The following PSD variants were observed in gnomAD, a reference collection of about 807,000 sequenced individuals.
The protein encoded by PSD is PH and SEC7 domain-containing protein 1.
A neutral mutation model predicts 91.6 loss-of-function variants in PSD; 32 were observed. The ratio of observed to expected loss-of-function variants is 0.35; its 90% CI spans 0.26 to 0.47. The LOEUF is 0.47. Ranked by LOEUF, PSD falls within the 20% of genes least tolerant of loss-of-function variation. PSD has a pLI of 1.00. For synonymous variants in PSD, 532 were observed against 569.3 expected (o/e 0.93, Z 0.93); for missense variants, 1,099 against 1,373.9 (o/e 0.80, Z 3.16).
In PSD at chr10:102,404,144, C is replaced by A. The variant is rs985897152; in HGVS notation, c.2701-159G>T. On this transcript the variant is annotated intron_variant, in intron 15 of 16. Transcript: ENST00000020673. The surrounding 1 kb of genome is among the most constrained non-coding windows in gnomAD (Gnocchi z 5.7). ...CGGGCGGATCACGAGGTCAGGAGAT[C>A]GAGACCATCCTGGCTAACACGGTGA... is the stretch of plus-strand genomic sequence containing the variant. 2.0e-5 allele frequency among the ~76,000 whole-genome samples: 3 copies of A among 152,110 alleles called. No homozygotes were observed. Among genetic ancestry groups the A allele is most frequent in the Admixed American group, 1.3e-4 (2 of 15,276 alleles).
chr10:102,413,665 G>A (rs2135458433), intron 5 of PSD, 104 bp downstream of exon 5: 1 of 1,227,776 alleles, frequency 8.1e-7, no homozygotes, highest in Non-Finnish European at 1.1e-6. Context: ...CTACTCAGGG[G>A]TCAGGAATAT....
At position 102,416,440 on chromosome 10, in the gene PSD, G is replaced by T; in HGVS notation, c.599C>A (p.Pro200His). Residue 200 changes from proline (P) to histidine (H), a missense_variant, in exon 2 of 17, where the codon CCT becomes CAT. Pro to His is a moderately conservative substitution (Grantham distance 77). Transcript: ENST00000020673. This position sits in a 1 kb window ranked among gnomAD's most constrained non-coding sequence, Gnocchi z 6.0. Reference protein sequence around the residue: ...SSLPNGLGGPPERLATLFGGP... With the variant: ...SSLPNGLGGPHERLATLFGGP... ...TCCGAAGAGTGTGGCCAGGCGCTCA[G>T]GGGGGCCCCCCAGCCCATTGGGGAG... is the stretch of plus-strand genomic sequence containing the variant. 6 of 1,611,342 alleles carry T rather than the reference G, an allele frequency of 3.7e-6. No individual in the cohort carries two copies. The highest frequency in any genetic ancestry group is 4.2e-6 in the Non-Finnish European group (5 of 1,178,848).
rs769484952 is a variant in PSD, at chr10:102,408,887, G to A, written c.2092-1621C>T. The A allele has an allele frequency of 1.0e-4, 100 of 985,500 alleles. 1 individual carries two copies. The highest frequency in any genetic ancestry group is 1.8e-4 in the Admixed American group (3 of 16,266). 61.0% of individuals were successfully genotyped at this position (985,500 alleles called of 1,614,324 possible). ...ACCTGGCGTGGGCCGCGGCCCCAACGCCCTCACCGCCTTTTTCTTCTTGCG... is the reference window on the plus strand; with the variant it reads ...ACCTGGCGTGGGCCGCGGCCCCAACACCCTCACCGCCTTTTTCTTCTTGCG... On this transcript the variant is annotated intron_variant, in intron 10 of 16. Coordinates refer to ENST00000020673, the MANE Select transcript of PSD (RefSeq NM_002779.5).
rs972916495 is a variant in PSD, at chr10:102,416,535, A to C, written c.504T>G (p.Pro168=). The C allele has an allele frequency of 1.2e-6, 2 of 1,609,972 alleles. No homozygotes were observed. Among genetic ancestry groups the C allele is most frequent in the Non-Finnish European group, 1.7e-6 (2 of 1,178,206 alleles). The change falls in exon 2 of 17, where the codon CCT becomes CCG. Residue 168 remains proline (P), a synonymous_variant. Transcript: ENST00000020673. This position sits in a 1 kb window ranked among gnomAD's most constrained non-coding sequence, Gnocchi z 6.0. ...GCCCATGTACAAGGTTCCGGCTGCC[A>C]GGTAGGGCCGAGCCTCCTCTGGCGG... is the stretch of plus-strand genomic sequence containing the variant. ...PLPARGGSAL[P]GSRNLVHGPP... is the part of the protein sequence containing the mutation.
At chr10:102,415,340 C>G in intron 3 of PSD, 111 bp from the exon 4 acceptor site, 1 of 1,313,206 alleles carries the variant, frequency 7.6e-7, no homozygotes, top group South Asian at 1.6e-5. Flanking sequence ...AGTTCTTTCA[C>G]TGTCTAGCCA....
At position 102,413,925 on chromosome 10, in the gene PSD, G is replaced by A. The variant is rs1434228200; in HGVS notation, c.1397C>T (p.Pro466Leu). The A allele has an allele frequency of 4.3e-6, 7 of 1,613,894 alleles. No homozygotes were observed. The highest frequency in any genetic ancestry group is 2.7e-5 in the African/African-American group (2 of 74,898). Residue 466 changes from proline (P) to leucine (L), a missense_variant, in exon 5 of 17, where the codon CCG (proline) becomes CTG (leucine). Physicochemically the swap from Pro to Leu is moderately conservative, Grantham distance 98. This residue lies in a region of PSD where 631 missense variants were observed against 728.8 expected (regional missense o/e 0.87). Coordinates refer to ENST00000020673, the MANE Select transcript of PSD (RefSeq NM_002779.5). ...PAPAPLAPLE[P>L]DSGTSSAADG... ...AGCAGCAGAGCTGGTACCAGAATCC[G>A]GTTCAAGAGGGGCAAGTGGGGCGGG...
intron 8 of PSD, 117 bp downstream of exon 8, chr10:102,411,590 G>C (rs572655830): frequency 2.6e-6 from 2 of 768,060 alleles, no homozygotes; most frequent in East Asian, 5.4e-5. Context: ...ATGCCTACAC[G>C]CATGTACATC....
At chr10:102,406,399 G>A (rs1565221312) in intron 11 of PSD, among the ~76,000 whole-genome samples, 1 of 152,148 alleles carries the variant, frequency 6.6e-6, no homozygotes, top group African/African-American at 2.4e-5. Flanking sequence ...TGAAGATAAG[G>A]CCTCTACCCT....
rs1269079206 is a variant in PSD at position 102,410,031 on chromosome 10, C to T, written c.2091+827G>A. On this transcript the variant is annotated intron_variant, in intron 10 of 16. Coordinates refer to ENST00000020673, the MANE Select transcript of PSD (RefSeq NM_002779.5). This position sits in a 1 kb window ranked among gnomAD's most constrained non-coding sequence, Gnocchi z 6.0. Reference sequence around the variant, plus strand: ...ACACCCCAGCTCACCATGGACGTTCCCTCTCAGATATACCCCAAACTCAGA... The same window carrying T: ...ACACCCCAGCTCACCATGGACGTTCTCTCTCAGATATACCCCAAACTCAGA... Among the ~76,000 whole-genome samples, 1 of 152,188 alleles carries T rather than the reference C, an allele frequency of 6.6e-6. No homozygotes were observed. Among genetic ancestry groups the T allele is most frequent in the Non-Finnish European group, 1.5e-5 (1 of 68,024 alleles).
intron 8 of PSD, among the ~76,000 whole-genome samples, chr10:102,411,436 C>T (rs2061423947): frequency 6.6e-6 from 1 of 152,220 alleles, no homozygotes; most frequent in Non-Finnish European, 1.5e-5. Flanking sequence ...ACAGAATCCC[C>T]TCTCCAGCCA....
upstream of PSD, chr10:102,418,795 C>T (rs1662653924): frequency 4.4e-6 from 2 of 454,136 alleles, no homozygotes; most frequent in Admixed American, 4.7e-5. Flanking sequence ...TGCTCCAGGC[C>T]CGCCCGCCTC....
chr10:102,417,341 T>C (rs897531535), intron 1 of PSD, among the ~76,000 whole-genome samples: 4 of 152,120 alleles, frequency 2.6e-5, no homozygotes, highest in African/African-American at 9.7e-5. Flanking sequence ...CCTTTCCTTC[T>C]GCCTGAGGCC....
In PSD at chr10:102,414,863, C is replaced by G; in HGVS notation, c.1124G>C (p.Arg375Pro). 1 of 1,492,178 alleles carries G rather than the reference C, an allele frequency of 6.7e-7. No individual in the cohort carries two copies. Among genetic ancestry groups the G allele is most frequent in the East Asian group, 2.3e-5 (1 of 43,610 alleles). The allele number at this position is 1,492,178 out of a possible 1,614,324, so 92.4% of individuals were successfully genotyped here. A position where few individuals can be genotyped will look rare whatever the true frequency, so the allele number is the denominator to read the frequency against. ...TTCCCCCTCCCACTTCCCCACTCAC[C>G]GGGCCCCTTCAGAGGCCTCAAACAC... ...DEVFEASEGA[R>P]PGSRMPLKSP... Residue 375 changes from arginine (R) to proline (P), a missense_variant and splice_region_variant, in exon 4 of 17, where the codon CGG becomes CCG. Coordinates refer to ENST00000020673, the MANE Select transcript of PSD (RefSeq NM_002779.5). This position sits in a 1 kb window ranked among gnomAD's most constrained non-coding sequence, Gnocchi z 5.6.
rs918115106 is a variant in PSD at position 102,416,286 on chromosome 10, A to G, written c.654+99T>C. ...GAGAGAGGCAGATTTAGAACAGATT[A>G]AAGGATTCAGAGTGAACAGCAGACA... On this transcript the variant is annotated intron_variant, in intron 2 of 16. Transcript: ENST00000020673. This position sits in a 1 kb window ranked among gnomAD's most constrained non-coding sequence, Gnocchi z 6.0. 2 of 1,409,766 alleles carry G rather than the reference A, an allele frequency of 1.4e-6. No individual in the cohort carries two copies. Among genetic ancestry groups the G allele is most frequent in the African/African-American group, 2.9e-5 (2 of 69,948 alleles). 87.3% of individuals were successfully genotyped at this position (1,409,766 alleles called of 1,614,324 possible). A position where few individuals can be genotyped will look rare whatever the true frequency, so the allele number is the denominator to read the frequency against.
chr10:102,419,390 T>C (rs778134287), upstream of PSD: 26 of 152,772 alleles, frequency 1.7e-4, no homozygotes, highest in Non-Finnish European at 2.2e-4. The surrounding 1 kb of genome is among the most constrained non-coding windows in gnomAD (Gnocchi z 4.8). Context: ...CTGCCTGAGT[T>C]AGGTGTCGTC....
chr10:102,417,087 G>T lies in PSD; in HGVS notation c.-49C>A, dbSNP rs192929005. 4.8e-6 allele frequency: 5 copies of T among 1,034,090 alleles called. No individual in the cohort carries two copies. The highest frequency in any genetic ancestry group is 7.1e-6 in the Non-Finnish European group (5 of 707,434). 64.1% of individuals were successfully genotyped at this position (1,034,090 alleles called of 1,614,324 possible). A position where few individuals can be genotyped will look rare whatever the true frequency, so the allele number is the denominator to read the frequency against. On this transcript the variant is annotated 5_prime_UTR_variant, in exon 2 of 17. Transcript: ENST00000020673. ...GGGGGCAGGGATGGCGAGGCCAGGC[G>T]GGGAGTAAGGGGGCTGCATGCTCTT...
intron 7 of PSD, 143 bp from the exon 8 acceptor site, chr10:102,411,962 C>A (rs547276484): frequency 2.3e-5 from 21 of 909,470 alleles, no homozygotes; most frequent in Non-Finnish European, 3.6e-5. Flanking sequence ...CCCTGACCCT[C>A]CACCCATCAC....
In PSD at chr10:102,403,592, G is replaced by A. The variant is rs1179863473; in HGVS notation, c.2845-162C>T. The stretch of plus-strand genomic sequence containing the variant: ...CTGGTGCCCCCTCTGGGCTCTCCTG[G>A]GACCATCATCTATAACCTAATGTGT... On this transcript the variant is annotated intron_variant, in intron 16 of 16. Coordinates refer to ENST00000020673, the MANE Select transcript of PSD (RefSeq NM_002779.5). This position sits in a 1 kb window ranked among gnomAD's most constrained non-coding sequence, Gnocchi z 6.7. Among the ~76,000 whole-genome samples, 1 of 152,136 alleles carries A rather than the reference G, an allele frequency of 6.6e-6. No homozygotes were observed. Among genetic ancestry groups the A allele is most frequent in the Non-Finnish European group, 1.5e-5 (1 of 68,018 alleles).
At position 102,405,513 on chromosome 10, in the gene PSD, G is replaced by C. The variant is rs2061350905; in HGVS notation, c.2159C>G (p.Ser720Cys). The C allele has an allele frequency of 1.9e-6, 3 of 1,613,736 alleles. No homozygotes were observed. The highest frequency in any genetic ancestry group is 2.5e-6 in the Non-Finnish European group (3 of 1,179,894). The change falls in exon 12 of 17, where the codon TCT becomes TGT. Residue 720 changes from serine (S) to cysteine (C), a missense_variant. This residue lies in a region of PSD where 358 missense variants were observed against 426.5 expected (regional missense o/e 0.84). Transcript: ENST00000020673. This position sits in a 1 kb window ranked among gnomAD's most constrained non-coding sequence, Gnocchi z 5.4. ...WAIDEEELRR[S>C]LSELADPNPK... is the part of the protein sequence containing the mutation. The stretch of plus-strand genomic sequence containing the variant: ...GTTGGGGTCGGCCAACTCAGACAGA[G>C]AGCGTCTCAGCTCCTCCTCGTCTCT...
Sources: gnomAD v4.1 joint callset for allele counts (sites outside exome capture counted in the v4.1 genomes callset) on GRCh38, gnomAD v4.1.1 for gene constraint, gnomAD v4.1.1 regional missense constraint, Gnocchi (gnomAD v3.1) non-coding constraint, MANE v1.5 for transcripts, NCBI Gene and HGNC (gene_info 2026-07-23, HGNC 2026-07-21) for gene names.